Variants in BMPR1A observed in about 807,000 individuals in gnomAD.
BMPR1A encodes bone morphogenetic protein receptor type-1A.
A neutral mutation model predicts 66.0 loss-of-function variants in BMPR1A; 7 were observed. The ratio of observed to expected loss-of-function variants is 0.11; its 90% confidence interval spans 0.06 to 0.20. The LOEUF (loss-of-function observed/expected upper bound fraction) is 0.20, where lower values mean the gene tolerates loss of function less well. Among genes scored for constraint, BMPR1A ranks in the 10% least tolerant of loss-of-function variants. The probability of loss-of-function intolerance (pLI) is 1.00; values close to 1 mark genes in which losing one functional copy is unlikely to be tolerated. For missense variants in BMPR1A, 408 were observed against 669.1 expected (o/e 0.61, Z 4.31); for synonymous variants, 200 against 229.7 (o/e 0.87, Z 1.17).
chr10:86,903,280 A>G (rs930324035), intron 7 of BMPR1A, among the ~76,000 whole-genome samples: 7 of 152,250 alleles, frequency 4.6e-5, no homozygotes, highest in Non-Finnish European at 8.8e-5. Context: ...CAATTACATT[A>G]AAATAGTTAT....
At chr10:86,866,310 G>A (rs1589752842) in intron 2 of BMPR1A, among the ~76,000 whole-genome samples, 2 of 142,142 alleles carry the variant, frequency 1.4e-5, no homozygotes, top group Middle Eastern at 3.6e-3. Flanking sequence ...TCCTGCCAGC[G>A]CCTTAACATG....
intron 1 of BMPR1A, among the ~76,000 whole-genome samples, chr10:86,792,809 G>A (rs1032465958): frequency 4.6e-5 from 7 of 152,176 alleles, no homozygotes; most frequent in African/African-American, 2.4e-5. Context: ...GATCACAATT[G>A]TATTTGGATT....
chr10:86,931,462 T>C (rs957163116), downstream of BMPR1A: 4 of 150,504 alleles, frequency 2.7e-5, no homozygotes, highest in African/African-American at 9.8e-5. Flanking sequence ...CATAAAAAAT[T>C]GGAAGTCTCC....
downstream of BMPR1A, chr10:86,931,649 G>A (rs1046397899): frequency 2.6e-5 from 4 of 152,124 alleles, no homozygotes; most frequent in African/African-American, 7.2e-5. Flanking sequence ...GAAGTCTGAT[G>A]TGGATCTAAT....
At chr10:86,775,594 C>G (rs886645042) in intron 1 of BMPR1A, among the ~76,000 whole-genome samples, 1 of 152,002 alleles carries the variant, frequency 6.6e-6, no homozygotes, top group African/African-American at 2.4e-5. Context: ...AGGTCTAATC[C>G]TTAGTAATCT....
At chr10:86,852,537 G>T (rs1474233602) in intron 2 of BMPR1A, among the ~76,000 whole-genome samples, 1 of 152,178 alleles carries the variant, frequency 6.6e-6, no homozygotes, top group Non-Finnish European at 1.5e-5. Context: ...TTACACTCTA[G>T]CCTGGACTAC....
chr10:86,804,329 T>C (rs1216689998), intron 1 of BMPR1A, among the ~76,000 whole-genome samples: 2 of 152,144 alleles, frequency 1.3e-5, no homozygotes, highest in South Asian at 2.1e-4. Context: ...CAACTCCACC[T>C]CGTGGGTTCA....
chr10:86,807,749 A>G (rs1014757157), intron 1 of BMPR1A, among the ~76,000 whole-genome samples: 3 of 151,964 alleles, frequency 2.0e-5, no homozygotes, highest in East Asian at 3.9e-4. Flanking sequence ...ATCTCTATCA[A>G]GATACTGTTC....
rs769044848 is a variant in BMPR1A at position 86,808,921 on chromosome 10, T to C, written c.-267-29944T>C. Among the ~76,000 whole-genome samples the C allele has an allele frequency of 8.6e-4, 131 of 152,190 alleles. 1 individual carries two copies. Among genetic ancestry groups the C allele is most frequent in the Non-Finnish European group, 1.8e-3 (123 of 68,028 alleles). Reference sequence around the variant, plus strand: ...TCTCTGATTCATCACAGGTTACTTATAGGGATCCAGTTATCTTCCCTGAAT... The same window carrying C: ...TCTCTGATTCATCACAGGTTACTTACAGGGATCCAGTTATCTTCCCTGAAT... On this transcript the variant is annotated intron_variant, in intron 1 of 12. Transcript: ENST00000372037.
chr10:86,799,200 G>A (rs1053581172), intron 1 of BMPR1A, among the ~76,000 whole-genome samples: 5 of 152,126 alleles, frequency 3.3e-5, no homozygotes, highest in African/African-American at 1.2e-4. Flanking sequence ...ATCATTGATT[G>A]ATGATACCTA....
At position 86,864,875 on chromosome 10, in the gene BMPR1A, T is replaced by A. The variant is rs180724327; in HGVS notation, c.-152-10992T>A. Among the ~76,000 whole-genome samples, 146 of 152,202 alleles carry A rather than the reference T, an allele frequency of 9.6e-4. 2 individuals carry two copies. In the East Asian group the frequency reaches 0.024, roughly 25 times the overall value. Reference sequence around the variant, plus strand: ...CAATATCACCCCTTACCACAAGATCTCCCTTCAGCTTAATCTCTCCCACTC... The same window carrying A: ...CAATATCACCCCTTACCACAAGATCACCCTTCAGCTTAATCTCTCCCACTC... On this transcript the variant is annotated intron_variant, in intron 2 of 12. Transcript: ENST00000372037.
rs189436139 is a variant in BMPR1A, at chr10:86,925,061, G to C, written c.*1342G>C. ...ACAGCTAAATCATTTGAGATTTTTG[G>C]TTTTTTGATTTCTATTCCCTAACTT... On this transcript the variant is annotated 3_prime_UTR_variant, in exon 13 of 13. Transcript: ENST00000372037. 1.1e-3 allele frequency: 247 copies of C among 232,036 alleles called. No individual in the cohort carries two copies. The highest frequency in any genetic ancestry group is 5.0e-3 in the African/African-American group (225 of 45,386). 14.4% of individuals were successfully genotyped at this position (232,036 alleles called of 1,614,324 possible).
At chr10:86,824,716 C>T (rs1360246127) in intron 1 of BMPR1A, among the ~76,000 whole-genome samples, 2 of 152,054 alleles carry the variant, frequency 1.3e-5, no homozygotes, top group African/African-American at 2.4e-5. Context: ...GGGTGGGTGA[C>T]AGTTGGGTTT....
At chr10:86,835,548 TCAAAAAAAAAA>T (rs1842331782) in intron 1 of BMPR1A, among the ~76,000 whole-genome samples, 1 of 11,282 alleles carries the variant, frequency 8.9e-5, no homozygotes, top group Admixed American at 1.4e-3. Context: ...AGACTCTGTA[TCAAAAAAAAAA>T]AAAAAAAAAA....
At chr10:86,811,673 TAGG>T (rs946178936) in intron 1 of BMPR1A, among the ~76,000 whole-genome samples, 2 of 152,198 alleles carry the variant, frequency 1.3e-5, no homozygotes, top group Non-Finnish European at 2.9e-5. Context: ...GCTATTATAT[TAGG>T]AGACACACAA....
chr10:86,794,888 G>GTTTC, intron 1 of BMPR1A, among the ~76,000 whole-genome samples: 1 of 150,194 alleles, frequency 6.7e-6, no homozygotes, highest in East Asian at 2.0e-4. Context: ...TTTCGCTCTT[G>GTTTC]TTTCCCAGGA....
intron 5 of BMPR1A, among the ~76,000 whole-genome samples, chr10:86,892,732 T>G (rs978614357): frequency 6.6e-6 from 1 of 152,030 alleles, no homozygotes; most frequent in Non-Finnish European, 1.5e-5. Context: ...CCAGCCTGAT[T>G]ACAGTTTTCT....
intron 2 of BMPR1A, among the ~76,000 whole-genome samples, chr10:86,867,802 A>T (rs1342912012): frequency 1.3e-5 from 2 of 152,228 alleles, no homozygotes; most frequent in African/African-American, 2.4e-5. Context: ...ATATAATGCT[A>T]TACTAGATTG....
Position 86,927,512 on chromosome 10 carries a change from C to A in BMPR1A, c.*3793C>A, listed in dbSNP as rs1843761020. The stretch of plus-strand genomic sequence containing the variant: ...CAGGGAGGAGGTGTGTTCCTAAGAA[C>A]CAAAATCCAGCACAGCATCCTGTGA... On this transcript the variant is annotated 3_prime_UTR_variant, in exon 13 of 13. Transcript: ENST00000372037. 2.0e-5 allele frequency: 4 copies of A among 199,884 alleles called. No homozygotes were observed. The highest frequency in any genetic ancestry group is 1.2e-4 in the Admixed American group (2 of 16,606). 12.4% of individuals were successfully genotyped at this position (199,884 alleles called of 1,614,324 possible).
Sources: gnomAD v4.1 joint callset for allele counts (sites outside exome capture counted in the v4.1 genomes callset) on GRCh38, gnomAD v4.1.1 for gene constraint, MANE v1.5 for transcripts, NCBI Gene and HGNC (gene_info 2026-07-23, HGNC 2026-07-21) for gene names.